Variants in TMEM63A observed in about 807,000 individuals in gnomAD.
TMEM63A encodes mechanosensitive cation channel TMEM63A.
TMEM63A carries 76 observed loss-of-function variants against 100.6 expected under a neutral mutation model. The observed-to-expected ratio is 0.76, with a 90% CI of 0.63 to 0.91. TMEM63A has a LOEUF of 0.91. Ranked by LOEUF, TMEM63A falls within the 40% of genes least tolerant of loss-of-function variation. The pLI, the probability that TMEM63A is intolerant of heterozygous loss-of-function variation, is 0.00. For missense variants in TMEM63A, 876 were observed against 1,008.8 expected, an observed-to-expected ratio of 0.87 and a Z score of 1.78; for synonymous variants, 401 against 401.1, an observed-to-expected ratio of 1.00 and a Z score of 0.00.
chr1:225,846,940 A>T lies in TMEM63A; in HGVS notation c.*7-8T>A. On this transcript the variant is annotated splice_region_variant and splice_polypyrimidine_tract_variant and intron_variant, in intron 24 of 24. Transcript: ENST00000366835. Reference sequence around the variant, plus strand: ...TTTTCAGAGCAGTGAGACCTAAAACAGATGGGAAGAAGTCATGAACTTGGG... The same window carrying T: ...TTTTCAGAGCAGTGAGACCTAAAACTGATGGGAAGAAGTCATGAACTTGGG... 7.2e-7 allele frequency: 1 copy of T among 1,397,552 alleles called. No individual in the cohort carries two copies. Among genetic ancestry groups the T allele is most frequent in the Non-Finnish European group, 9.5e-7 (1 of 1,051,118 alleles). 86.6% of individuals were successfully genotyped at this position (1,397,552 alleles called of 1,614,324 possible).
chr1:225,860,240 C>CTGCGCTGGGGCT (rs1462875805), intron 14 of TMEM63A: 1 of 152,604 alleles, frequency 6.6e-6, no homozygotes, highest in Non-Finnish European at 1.5e-5. Flanking sequence ...GGACAGGCAG[C>CTGCGCTGGGGCT]TGCGCTGGGG....
chr1:225,844,421 G>A (rs899393291), downstream of TMEM63A: 3 of 1,611,798 alleles, frequency 1.9e-6, no homozygotes, highest in African/African-American at 1.3e-5. Flanking sequence ...CCTGGCATTT[G>A]TAGGACTTTC....
downstream of TMEM63A, among the ~76,000 whole-genome samples, chr1:225,841,377 G>A (rs1054442557): frequency 2.6e-5 from 4 of 152,050 alleles, no homozygotes; most frequent in Non-Finnish European, 4.4e-5. Flanking sequence ...CCGCCTCCCA[G>A]GTTCAAGCAA....
In TMEM63A at chr1:225,868,473, C is replaced by T. The variant is rs550593087; in HGVS notation, c.372-443G>A. 1.7e-4 allele frequency among the ~76,000 whole-genome samples: 25 copies of T among 151,104 alleles called. No homozygotes were observed. In the South Asian group the frequency reaches 2.3e-3, roughly 14 times the overall value. ...GGTGGATCACCTGAGGTCAGGAGTT[C>T]GAGACCAGCCTGGCCAACACGGTGA... On this transcript the variant is annotated intron_variant, in intron 6 of 24. Coordinates refer to ENST00000366835, the MANE Select transcript of TMEM63A (RefSeq NM_014698.3).
chr1:225,857,188 G>A (rs1434416664), intron 15 of TMEM63A, among the ~76,000 whole-genome samples, 171 bp from the exon 16 acceptor site: 2 of 152,178 alleles, frequency 1.3e-5, no homozygotes, highest in Non-Finnish European at 2.9e-5. Context: ...CATAAATGTT[G>A]GCTGAATAAT....
At chr1:225,844,604 A>C (rs373599562), downstream of TMEM63A, 14 of 1,613,990 alleles carry the variant, frequency 8.7e-6, no homozygotes, top group Admixed American at 8.3e-5. Flanking sequence ...ACAGGGCTGG[A>C]TGACCCAGAA....
At position 225,867,768 on chromosome 1, in the gene TMEM63A, C is replaced by T. The variant is rs1183322968; in HGVS notation, c.514+120G>A. 3 of 1,334,922 alleles carry T rather than the reference C, an allele frequency of 2.2e-6. No individual in the cohort carries two copies. The allele number at this position is 1,334,922 out of a possible 1,614,324, so 82.7% of individuals were successfully genotyped here. On this transcript the variant is annotated intron_variant, in intron 7 of 24. Coordinates refer to ENST00000366835, the MANE Select transcript of TMEM63A (RefSeq NM_014698.3). This position sits in a 1 kb window ranked among gnomAD's most constrained non-coding sequence, Gnocchi z 4.6. ...AGAAATGTTCAGAGTCACCCTGAGA[C>T]CATCTTACATCTGAAGTGGGGCATG...
At chr1:225,866,847 C>T in intron 8 of TMEM63A, 165 bp from the exon 9 acceptor site, 1 of 697,660 alleles carries the variant, frequency 1.4e-6, no homozygotes, top group South Asian at 1.8e-5. Context: ...CCTCAGCCCA[C>T]AGTGAATACT....
intron 10 of TMEM63A, chr1:225,864,309 C>T (rs1026803895): frequency 1.3e-5 from 2 of 152,222 alleles, no homozygotes; most frequent in Non-Finnish European, 2.9e-5. Context: ...GTGAGAGAGA[C>T]AGCCCATAGG....
At chr1:225,851,757 C>T (rs1669352386) in intron 20 of TMEM63A, among the ~76,000 whole-genome samples, 1 of 152,216 alleles carries the variant, frequency 6.6e-6, no homozygotes, top group Non-Finnish European at 1.5e-5. Flanking sequence ...ACAGGGAAAA[C>T]TAAAACAACT....
At chr1:225,849,419 C>T (rs1423498489) in intron 21 of TMEM63A, among the ~76,000 whole-genome samples, 2 of 152,218 alleles carry the variant, frequency 1.3e-5, no homozygotes, top group African/African-American at 2.4e-5. Context: ...TTTCTCTCCT[C>T]CACGTCCCCA....
Position 225,862,161 on chromosome 1 carries a change from T to C in TMEM63A, c.1085+57A>G, listed in dbSNP as rs905003491. The C allele has an allele frequency of 1.6e-5, 26 of 1,601,980 alleles. No individual in the cohort carries two copies. The African/African-American group carries it at 3.4e-4, about 21-fold the overall frequency. On this transcript the variant is annotated intron_variant, in intron 13 of 24. Transcript: ENST00000366835. This position sits in a 1 kb window ranked among gnomAD's most constrained non-coding sequence, Gnocchi z 5.1. ...TCTCCACTCGAGAGGGACAGTGAGTTATCTGGAGGGGAACAGGGAGTCAGC... is the reference window on the plus strand; with the variant it reads ...TCTCCACTCGAGAGGGACAGTGAGTCATCTGGAGGGGAACAGGGAGTCAGC...
At position 225,867,291 on chromosome 1, in the gene TMEM63A, C is replaced by G; in HGVS notation, c.515-128G>C. ...GTCTGGACCAGCAGGAAGACAACGT[C>G]TGACTGGTCTTTCCAGAGCTACACC... On this transcript the variant is annotated intron_variant, in intron 7 of 24. Transcript: ENST00000366835. This position sits in a 1 kb window ranked among gnomAD's most constrained non-coding sequence, Gnocchi z 4.6. 3.2e-6 allele frequency: 3 copies of G among 947,978 alleles called. No individual in the cohort carries two copies. The highest frequency in any genetic ancestry group is 5.2e-6 in the Non-Finnish European group (3 of 581,994). The allele number at this position is 947,978 out of a possible 1,614,324, so 58.7% of individuals were successfully genotyped here.
chr1:225,851,048 G>C (rs1669308944), intron 20 of TMEM63A, among the ~76,000 whole-genome samples: 1 of 152,082 alleles, frequency 6.6e-6, no homozygotes, highest in Non-Finnish European at 1.5e-5. Context: ...CAGGGTCTGT[G>C]GGACAGACCC....
intron 20 of TMEM63A, among the ~76,000 whole-genome samples, chr1:225,851,296 G>A (rs182874583): frequency 1.3e-5 from 2 of 152,232 alleles, no homozygotes; most frequent in African/African-American, 4.8e-5. Flanking sequence ...TACCCCAGGG[G>A]TGGCACAGGA....
rs765137739 is a variant in TMEM63A, at chr1:225,847,165, G to A, written c.2299C>T (p.Leu767=). 6 of 1,613,340 alleles carry A rather than the reference G, an allele frequency of 3.7e-6. No homozygotes were observed. In the African/African-American group the frequency reaches 4.0e-5, roughly 11 times the overall value. The change falls in exon 24 of 25, where the codon CTG becomes TTG. Residue 767 remains leucine (L), a synonymous_variant. Transcript: ENST00000366835. ...LNGLASERTA[L]SPQQQQQQTY... is the part of the protein sequence containing the mutation. Reference sequence around the variant, plus strand: ...TGCTGCTGCTGCTGCTGCGGAGACAGTGCTGTCCTCTCCGAGGCCAAGCCG... The same window carrying A: ...TGCTGCTGCTGCTGCTGCGGAGACAATGCTGTCCTCTCCGAGGCCAAGCCG...
At chr1:225,848,285 A>G (rs1559032027) in intron 23 of TMEM63A, 1 of 587,794 alleles carries the variant, frequency 1.7e-6, no homozygotes, top group East Asian at 2.9e-5. Flanking sequence ...TCGAGACAAG[A>G]CTCTATCTCC....
At chr1:225,857,384 C>CGGGGGGGGGGGG (rs752790126) in intron 15 of TMEM63A, among the ~76,000 whole-genome samples, 1 of 93,868 alleles carries the variant, frequency 1.1e-5, no homozygotes, top group Non-Finnish European at 2.0e-5. Flanking sequence ...GCCGGCGGGG[C>CGGGGGGGGGGGG]GGGGGGGGGG....
At chr1:225,876,408 C>A (rs1389136957) in intron 3 of TMEM63A, among the ~76,000 whole-genome samples, 5 of 152,162 alleles carry the variant, frequency 3.3e-5, no homozygotes, top group Non-Finnish European at 7.3e-5. Flanking sequence ...GCCATCTGCC[C>A]CCTTCACTCA....
Sources: allele counts gnomAD v4.1 joint callset (sites outside exome capture counted in the v4.1 genomes callset), GRCh38; gene constraint gnomAD v4.1.1; non-coding constraint Gnocchi (gnomAD v3.1); transcripts MANE v1.5; gene names NCBI Gene and HGNC (gene_info 2026-07-23, HGNC 2026-07-21).